The following CACNA1E variants were observed in gnomAD, a reference collection of about 807,000 sequenced individuals.
CACNA1E encodes calcium voltage-gated channel subunit alpha1 E.
Under a neutral mutation model 259.2 loss-of-function variants are expected in CACNA1E, and 40 were observed. The observed-to-expected ratio is 0.15, with a 90% CI of 0.12 to 0.20. CACNA1E has a LOEUF of 0.20. CACNA1E is among the 10% of genes least tolerant of loss of function. The pLI is 1.00. For synonymous variants in CACNA1E, 1,104 were observed against 1,138.5 expected (o/e 0.97, Z 0.61); for missense variants, 1,874 against 3,040.1 (o/e 0.62, Z 9.02).
intron 1 of CACNA1E, among the ~76,000 whole-genome samples, chr1:181,487,023 ATTTT>A (rs113857890): frequency 2.1e-4 from 30 of 145,322 alleles, no homozygotes; most frequent in Middle Eastern, 3.6e-3. Context: ...TAAGTGCCAG[ATTTT>A]TTTTTTTTTT....
rs766436031 is a variant in CACNA1E, at chr1:181,483,819, G to A, written c.75G>A (p.Arg25=). ...GDGDSDQSRN[R]QGTPVPASGQ... ...GAGACTCGGACCAGAGCAGGAACCG[G>A]CAAGGAACCCCCGTGCCGGCCTCGG... Residue 25 remains arginine, a synonymous_variant, in exon 1 of 48, where the codon CGG becomes CGA. Transcript: ENST00000367573. The A allele has an allele frequency of 6.2e-7, 1 of 1,613,624 alleles. No homozygotes were observed. Among genetic ancestry groups the A allele is most frequent in the South Asian group, 1.1e-5 (1 of 91,068 alleles).
chr1:181,407,901 G>C (rs1036757065), intron 1 of CACNA1E, among the ~76,000 whole-genome samples: 5 of 152,150 alleles, frequency 3.3e-5, no homozygotes, highest in Non-Finnish European at 7.3e-5. Flanking sequence ...CTCAAAATTT[G>C]TTTCCATCTT....
chr1:181,700,477 C>G (rs1423118449), intron 7 of CACNA1E, among the ~76,000 whole-genome samples: 1 of 151,008 alleles, frequency 6.6e-6, no homozygotes, highest in Non-Finnish European at 1.5e-5. Flanking sequence ...GCTGGGACTT[C>G]AGGCATAACC....
At chr1:181,592,015 T>C (rs1558161526) in intron 6 of CACNA1E, among the ~76,000 whole-genome samples, 1 of 152,202 alleles carries the variant, frequency 6.6e-6, no homozygotes, top group Non-Finnish European at 1.5e-5. Flanking sequence ...CACTTTCCAT[T>C]TGCATCATTG....
intron 3 of CACNA1E, among the ~76,000 whole-genome samples, chr1:181,523,955 T>A (rs1007599906): frequency 1.3e-5 from 2 of 152,170 alleles, no homozygotes; most frequent in African/African-American, 4.8e-5. Context: ...ATGGCCCGTG[T>A]TTGATTTTTG....
At chr1:181,643,307 A>G (rs899116350) in intron 6 of CACNA1E, among the ~76,000 whole-genome samples, 3 of 152,156 alleles carry the variant, frequency 2.0e-5, no homozygotes, top group African/African-American at 7.2e-5. Flanking sequence ...GAGGGGAGGG[A>G]CAGGATAAAT....
rs1662091066 is a variant in CACNA1E at position 181,799,256 on chromosome 1, GA to G, written c.*423del. On this transcript the variant is annotated 3_prime_UTR_variant, in exon 48 of 48. Coordinates refer to ENST00000367573, the MANE Select transcript of CACNA1E (RefSeq NM_001205293.3). ...AACTGGGGAGTAGTGGAGACCATAG[GA>G]GAGGACTCTCCTCCCTCACCAGCTC... 6.4e-6 allele frequency: 1 copy of G among 157,146 alleles called. No individual in the cohort carries two copies. The highest frequency in any genetic ancestry group is 1.4e-5 in the Non-Finnish European group (1 of 71,290). The allele number at this position is 157,146 out of a possible 1,614,324, so 9.7% of individuals were successfully genotyped here.
At chr1:181,754,818 G>T (rs1367412760) in intron 27 of CACNA1E, among the ~76,000 whole-genome samples, 2 of 152,140 alleles carry the variant, frequency 1.3e-5, no homozygotes, top group African/African-American at 2.4e-5. Flanking sequence ...TATATAAATC[G>T]AATCTAAGAA....
chr1:181,322,990 A>T (rs542658640), intron 1 of CACNA1E, among the ~76,000 whole-genome samples: 1 of 152,186 alleles, frequency 6.6e-6, no homozygotes, highest in Non-Finnish European at 1.5e-5. Context: ...GTGAGTTTTC[A>T]TATAATTTCT....
At chr1:181,563,136 T>G (rs1649486508) in intron 3 of CACNA1E, among the ~76,000 whole-genome samples, 1 of 152,164 alleles carries the variant, frequency 6.6e-6, no homozygotes, top group Admixed American at 6.5e-5. Context: ...TTTATAAAAC[T>G]TTATGATTGC....
At chr1:181,792,996 T>C (rs1159746017) in intron 44 of CACNA1E, among the ~76,000 whole-genome samples, 1 of 152,082 alleles carries the variant, frequency 6.6e-6, no homozygotes, top group Non-Finnish European at 1.5e-5. Context: ...GTTGACATGC[T>C]ACTATTTGGA....
At chr1:181,598,213 G>A (rs1572336021) in intron 6 of CACNA1E, among the ~76,000 whole-genome samples, 3 of 152,294 alleles carry the variant, frequency 2.0e-5, no homozygotes, top group South Asian at 2.1e-4. Context: ...AGTGCCGACC[G>A]ATTACCAGGG....
intron 3 of CACNA1E, among the ~76,000 whole-genome samples, chr1:181,570,589 TCCTCC>T: frequency 6.6e-6 from 1 of 152,344 alleles, no homozygotes; most frequent in East Asian, 1.9e-4. Flanking sequence ...TTCCCATCTC[TCCTCC>T]CCAGAGGCTT....
At chr1:181,450,754 T>C (rs1571903198) in intron 2 of CACNA1E, among the ~76,000 whole-genome samples, 1 of 152,090 alleles carries the variant, frequency 6.6e-6, no homozygotes, top group Non-Finnish European at 1.5e-5. Flanking sequence ...ATGATCAAAT[T>C]TGGCTTTAAA....
rs1418347100 is a variant in CACNA1E, at chr1:181,486,969, T to C, written c.266+2959T>C. On this transcript the variant is annotated intron_variant, in intron 1 of 47. Transcript: ENST00000367573. ...GCATTGTAATGAGATCCCTGTGTGA[T>C]TAATATGCTCATTAAAGTTTAGGAA... 5.3e-5 allele frequency among the ~76,000 whole-genome samples: 8 copies of C among 152,292 alleles called. No homozygotes were observed. The East Asian group carries it at 1.3e-3, about 26-fold the overall frequency.
intron 7 of CACNA1E, among the ~76,000 whole-genome samples, chr1:181,672,792 C>G (rs543390008): frequency 6.6e-6 from 1 of 152,324 alleles, no homozygotes; most frequent in East Asian, 1.9e-4. Context: ...GTCTTTCAAA[C>G]CTGGTCAAGG....
At chr1:181,482,594 C>T (rs931361717), upstream of CACNA1E, among the ~76,000 whole-genome samples, 1 of 152,268 alleles carries the variant, frequency 6.6e-6, no homozygotes, top group Non-Finnish European at 1.5e-5. Flanking sequence ...CCGCTTCTCC[C>T]AGCGCTCTTG....
At position 181,800,655 on chromosome 1, in the gene CACNA1E, C is replaced by T. The variant is rs1391069108; in HGVS notation, c.*1821C>T. 1 of 152,532 alleles carries T rather than the reference C, an allele frequency of 6.6e-6. No homozygotes were observed. The highest frequency in any genetic ancestry group is 2.4e-5 in the African/African-American group (1 of 41,434). 9.4% of individuals were successfully genotyped at this position (152,532 alleles called of 1,614,324 possible). Reference sequence around the variant, plus strand: ...TCAGTGGATAAACACTCCTCCAGCCCAGACACACTCCTCCTCTTGGGCAGG... The same window carrying T: ...TCAGTGGATAAACACTCCTCCAGCCTAGACACACTCCTCCTCTTGGGCAGG... On this transcript the variant is annotated 3_prime_UTR_variant, in exon 48 of 48. Transcript: ENST00000367573.
At chr1:181,789,683 C>T (rs1056200431) in intron 43 of CACNA1E, among the ~76,000 whole-genome samples, 2 of 152,176 alleles carry the variant, frequency 1.3e-5, no homozygotes, top group Admixed American at 1.3e-4. Flanking sequence ...TCTTTCTCTC[C>T]TAACAAGCCC....
Sources: allele counts gnomAD v4.1 joint callset (sites outside exome capture counted in the v4.1 genomes callset), GRCh38; gene constraint gnomAD v4.1.1; transcripts MANE v1.5; gene names NCBI Gene and HGNC (gene_info 2026-07-23, HGNC 2026-07-21).